Variants in EPB41L3 observed in about 807,000 individuals in gnomAD.
The protein encoded by EPB41L3 is band 4.1-like protein 3.
A neutral mutation model predicts 127.1 loss-of-function variants in EPB41L3; 57 were observed. The observed-to-expected ratio is 0.45, with a 90% CI of 0.36 to 0.56. The LOEUF (loss-of-function observed/expected upper bound fraction) is 0.56, where lower values mean the gene tolerates loss of function less well. EPB41L3 is among the 20% of genes least tolerant of loss of function. The pLI is 0.00. For missense variants in EPB41L3, 1,273 were observed against 1,372.2 expected (o/e 0.93, Z 1.14); for synonymous variants, 572 against 549.5 (o/e 1.04, Z -0.57).
At chr18:5,624,925 T>C (rs2094905467) in intron 1 of EPB41L3, among the ~76,000 whole-genome samples, 1 of 151,890 alleles carries the variant, frequency 6.6e-6, no homozygotes, top group Non-Finnish European at 1.5e-5. Context: ...GGAGGTGGTG[T>C]TTGAGTGCAG....
chr18:5,534,984 C>T (rs1277963588), intron 1 of EPB41L3, among the ~76,000 whole-genome samples: 3 of 152,130 alleles, frequency 2.0e-5, no homozygotes, highest in African/African-American at 7.2e-5. Context: ...CACCACTGGG[C>T]CAAGGACAGT....
intron 1 of EPB41L3, among the ~76,000 whole-genome samples, chr18:5,534,619 G>A (rs371754439): frequency 1.3e-3 from 204 of 152,166 alleles, no homozygotes; most frequent in African/African-American, 4.4e-3. Context: ...TTTGGATTAC[G>A]GGTTTTGTGG....
chr18:5,557,848 T>C (rs1323573045), intron 3 of EPB41L3, among the ~76,000 whole-genome samples: 1 of 152,174 alleles, frequency 6.6e-6, no homozygotes, highest in South Asian at 2.1e-4. Context: ...AGGGGGTCAA[T>C]GGGGTCAGAT....
chr18:5,422,519 C>T (rs2077607741), intron 11 of EPB41L3, among the ~76,000 whole-genome samples: 1 of 152,112 alleles, frequency 6.6e-6, no homozygotes, highest in Non-Finnish European at 1.5e-5. Flanking sequence ...ATACCAGAAA[C>T]TCCTAATTCT....
chr18:5,413,791 G>T (rs545781980), intron 13 of EPB41L3, among the ~76,000 whole-genome samples: 4 of 152,330 alleles, frequency 2.6e-5, no homozygotes, highest in Admixed American at 6.5e-5. Flanking sequence ...GGGTGATGAA[G>T]ACTCCAGTGG....
At chr18:5,445,508 T>G (rs1339112261) in intron 3 of EPB41L3, among the ~76,000 whole-genome samples, 2 of 152,184 alleles carry the variant, frequency 1.3e-5, no homozygotes, top group Non-Finnish European at 2.9e-5. Context: ...TATGTACAGG[T>G]GACCAGTGGG....
intron 16 of EPB41L3, chr18:5,399,413 A>G: frequency 2.5e-6 from 1 of 398,614 alleles, no homozygotes; most frequent in Non-Finnish European, 4.4e-6. Context: ...AAGCTAAATT[A>G]GAAATTCTGA....
Position 5,433,894 on chromosome 18 carries a change from G to A in EPB41L3, c.824+9C>T, listed in dbSNP as rs370420811. On this transcript the variant is annotated intron_variant, in intron 7 of 22. Coordinates refer to ENST00000341928, the MANE Select transcript of EPB41L3 (RefSeq NM_012307.5). ...GCACAACTTAAATGAACACCTTTCTGCCTCTAACCTGTGGCTCTTGTGCAG... is the reference window on the plus strand; with the variant it reads ...GCACAACTTAAATGAACACCTTTCTACCTCTAACCTGTGGCTCTTGTGCAG... The A allele has an allele frequency of 1.2e-6, 2 of 1,613,912 alleles. No individual in the cohort carries two copies. Among genetic ancestry groups the A allele is most frequent in the African/African-American group, 2.7e-5 (2 of 74,926 alleles).
At chr18:5,448,140 T>C (rs942706174) in intron 3 of EPB41L3, among the ~76,000 whole-genome samples, 15 of 152,290 alleles carry the variant, frequency 9.8e-5, no homozygotes, top group Middle Eastern at 6.8e-3. Context: ...AGCAAGATGT[T>C]TATGGGCTTG....
chr18:5,460,876 T>C (rs893970390), intron 3 of EPB41L3, among the ~76,000 whole-genome samples: 3 of 152,204 alleles, frequency 2.0e-5, no homozygotes, highest in Admixed American at 1.3e-4. Context: ...GCTTTCTACA[T>C]ATTTATTTTC....
intron 21 of EPB41L3, 49 bp downstream of exon 21, chr18:5,395,018 G>C: frequency 6.4e-7 from 1 of 1,570,546 alleles, no homozygotes; most frequent in Non-Finnish European, 8.8e-7. Flanking sequence ...GGACCAACAG[G>C]TTTTTCTTTG....
intron 1 of EPB41L3, among the ~76,000 whole-genome samples, chr18:5,499,492 G>A (rs895717452): frequency 5.9e-5 from 9 of 151,898 alleles, no homozygotes; most frequent in African/African-American, 1.9e-4. Context: ...GGCTGGGTGC[G>A]GTGGCTCATA....
At chr18:5,442,775 T>C (rs2080968242) in intron 5 of EPB41L3, among the ~76,000 whole-genome samples, 1 of 152,126 alleles carries the variant, frequency 6.6e-6, no homozygotes, top group Non-Finnish European at 1.5e-5. Context: ...TCGGAAAGGG[T>C]AAAAAAATTT....
intron 3 of EPB41L3, among the ~76,000 whole-genome samples, chr18:5,468,541 T>C (rs1010923742): frequency 6.6e-6 from 1 of 152,144 alleles, no homozygotes; most frequent in African/African-American, 2.4e-5. Flanking sequence ...GAGCTGCCCA[T>C]GGCAGTCTCC....
intron 1 of EPB41L3, among the ~76,000 whole-genome samples, chr18:5,519,126 A>G (rs925984586): frequency 3.3e-5 from 5 of 152,254 alleles, no homozygotes; most frequent in Non-Finnish European, 2.9e-5. Context: ...TCAGGAGAAG[A>G]AAACGACGAG....
intron 3 of EPB41L3, among the ~76,000 whole-genome samples, chr18:5,557,849 G>A (rs1033404959): frequency 3.3e-5 from 5 of 152,156 alleles, no homozygotes; most frequent in Non-Finnish European, 7.3e-5. Flanking sequence ...GGGGGTCAAT[G>A]GGGTCAGATC....
upstream of EPB41L3, chr18:5,630,657 C>G (rs2094983910): frequency 8.3e-6 from 3 of 360,374 alleles, no homozygotes; most frequent in Non-Finnish European, 1.6e-5. Context: ...GCGCTTCGGG[C>G]GCCTGTGACA....
intron 2 of EPB41L3, among the ~76,000 whole-genome samples, chr18:5,486,631 T>G (rs947291348): frequency 6.6e-6 from 1 of 151,908 alleles, no homozygotes; most frequent in Non-Finnish European, 1.5e-5. Flanking sequence ...AACAACTCAA[T>G]AGCAAGAGAA....
At chr18:5,609,248 T>C (rs950472969) in intron 3 of EPB41L3, among the ~76,000 whole-genome samples, 5 of 152,332 alleles carry the variant, frequency 3.3e-5, no homozygotes, top group African/African-American at 9.6e-5. Context: ...AAATCAGCCA[T>C]GCTAAACCCT....
Sources: allele counts gnomAD v4.1 joint callset (sites outside exome capture counted in the v4.1 genomes callset), GRCh38; gene constraint gnomAD v4.1.1; transcripts MANE v1.5; gene names NCBI Gene and HGNC (gene_info 2026-07-23, HGNC 2026-07-21).